Variants in ZBTB38 observed in about 807,000 individuals in gnomAD.
ZBTB38 encodes the protein zinc finger and BTB domain-containing protein 38.
A neutral mutation model predicts 76.8 loss-of-function variants in ZBTB38; 20 were observed. The ratio of observed to expected loss-of-function variants is 0.26; its 90% CI spans 0.18 to 0.38. The LOEUF is 0.38. ZBTB38 is among the 10% of genes least tolerant of loss of function. ZBTB38 has a pLI of 1.00. For missense variants in ZBTB38, 1,082 were observed against 1,482.3 expected (o/e 0.73, Z 4.43); for synonymous variants, 504 against 544.2 (o/e 0.93, Z 1.03).
At chr3:141,401,611 ATT>A (rs10935429) in intron 4 of ZBTB38, among the ~76,000 whole-genome samples, 2 of 146,636 alleles carry the variant, frequency 1.4e-5, no homozygotes, top group African/African-American at 5.0e-5. Flanking sequence ...GTGGCCTTGA[ATT>A]TTTTTTTTTT....
At chr3:141,409,099 G>T (rs548610792) in intron 5 of ZBTB38, among the ~76,000 whole-genome samples, 1 of 152,144 alleles carries the variant, frequency 6.6e-6, no homozygotes, top group African/African-American at 2.4e-5. Flanking sequence ...AGGCTGGAGT[G>T]CAGTGGCGCT....
At chr3:141,378,225 T>C (rs878901721) in intron 2 of ZBTB38, among the ~76,000 whole-genome samples, 3 of 150,214 alleles carry the variant, frequency 2.0e-5, no homozygotes, top group Admixed American at 2.0e-4. Flanking sequence ...AACAGATCAG[T>C]GGTTGTCAGG....
chr3:141,444,874 C>T lies in ZBTB38; in HGVS notation c.2486C>T (p.Thr829Ile). ...IAKPALPGTSTNSNVAPLCQI... is the reference protein window; with the variant it reads ...IAKPALPGTSINSNVAPLCQI... ...AAACCTGCTCTGCCGGGAACCTCCA[C>T]AAATAGTAATGTTGCACCCCTTTGC... Residue 829 changes from threonine to isoleucine, a missense_variant, in exon 6 of 6, where the codon ACA (threonine) becomes ATA (isoleucine). Coordinates refer to ENST00000321464, the MANE Select transcript of ZBTB38 (RefSeq NM_001376113.1). This position sits in a 1 kb window ranked among gnomAD's most constrained non-coding sequence, Gnocchi z 5.1. The T allele has an allele frequency of 1.2e-6, 2 of 1,614,118 alleles. No individual in the cohort carries two copies. Among genetic ancestry groups the T allele is most frequent in the Non-Finnish European group, 1.7e-6 (2 of 1,180,024 alleles).
intron 5 of ZBTB38, among the ~76,000 whole-genome samples, chr3:141,408,648 G>A (rs1955529048): frequency 6.6e-6 from 1 of 152,080 alleles, no homozygotes; most frequent in Admixed American, 6.5e-5. Context: ...GACATGTTTG[G>A]TGTTTAACTT....
chr3:141,448,512 TAAAG>T lies in ZBTB38; in HGVS notation c.*2537_*2540del, dbSNP rs2081265689. ...CATTGAGTACATGACCAACTAGAAT[TAAAG>T]TAAGTGTAAACAGTGAACATACTGT... is the stretch of plus-strand genomic sequence containing the variant. On this transcript the variant is annotated 3_prime_UTR_variant, in exon 6 of 6. Transcript: ENST00000321464. 1 of 152,570 alleles carries T rather than the reference TAAAG, an allele frequency of 6.6e-6. No individual in the cohort carries two copies. Among genetic ancestry groups the T allele is most frequent in the Non-Finnish European group, 1.5e-5 (1 of 68,026 alleles). The allele number at this position is 152,570 out of a possible 1,614,324, so 9.5% of individuals were successfully genotyped here. A position where few individuals can be genotyped will look rare whatever the true frequency, so the allele number is the denominator to read the frequency against.
intron 1 of ZBTB38, among the ~76,000 whole-genome samples, chr3:141,338,158 G>A (rs1943069203): frequency 6.6e-6 from 1 of 152,200 alleles, no homozygotes; most frequent in Non-Finnish European, 1.5e-5. Context: ...TGGTGAGGTT[G>A]CAGAGAAAAG....
chr3:141,336,290 C>A (rs1943014353), intron 1 of ZBTB38, among the ~76,000 whole-genome samples: 1 of 152,066 alleles, frequency 6.6e-6, no homozygotes, highest in African/African-American at 2.4e-5. Context: ...TGGGAGATGT[C>A]AAACCCATGC....
At chr3:141,388,911 A>G (rs536869835) in intron 4 of ZBTB38, 1 of 152,334 alleles carries the variant, frequency 6.6e-6, no homozygotes, top group Admixed American at 6.5e-5. Context: ...ATGCAGGTCA[A>G]GGTTTGTGTA....
intron 5 of ZBTB38, chr3:141,431,851 G>A (rs74975174): frequency 0.011 from 1,647 of 152,996 alleles, 37 homozygotes; most frequent in African/African-American, 0.038. Context: ...TCTTGAATCT[G>A]ATAGCTTAAG....
intron 5 of ZBTB38, chr3:141,431,766 C>T (rs2150540592): frequency 6.6e-6 from 1 of 152,302 alleles, no homozygotes; most frequent in Admixed American, 6.5e-5. Context: ...TGCACTCCAG[C>T]AGCTTCCCGA....
chr3:141,431,341 A>AAAAAT lies in ZBTB38; in HGVS notation c.1-11047_1-11046insAAATA. On this transcript the variant is annotated intron_variant, in intron 5 of 5. Transcript: ENST00000321464. ...TTCGTCTCAAAAAAAAAAAAAAAAA[A>AAAAAT]ATATATATATATATTTGGGGGGGAC... Among the ~76,000 whole-genome samples, 7 of 103,294 alleles carry AAAAAT rather than the reference A, an allele frequency of 6.8e-5. 1 individual carries two copies. The highest frequency in any genetic ancestry group is 4.2e-4 in the African/African-American group (7 of 16,708). 67.8% of individuals were successfully genotyped at this position (103,294 alleles called of 152,430 possible).
chr3:141,350,428 C>A (rs1213799652), intron 1 of ZBTB38, among the ~76,000 whole-genome samples: 1 of 152,124 alleles, frequency 6.6e-6, no homozygotes, highest in Non-Finnish European at 1.5e-5. Context: ...TCTTTGTCAT[C>A]ATTTTATCCC....
At position 141,368,511 on chromosome 3, in the gene ZBTB38, G is replaced by C. The variant is rs1944075359; in HGVS notation, c.-603G>C. 1 of 152,316 alleles carries C rather than the reference G, an allele frequency of 6.6e-6. No homozygotes were observed. The highest frequency in any genetic ancestry group is 2.1e-4 in the South Asian group (1 of 4,822). 9.4% of individuals were successfully genotyped at this position (152,316 alleles called of 1,614,324 possible). The stretch of plus-strand genomic sequence containing the variant: ...CTCTGAAGCCAGGAAACTAGTTGGG[G>C]AGTGGCACTCGCAGCTGCAGCAAAT... On this transcript the variant is annotated 5_prime_UTR_variant, in exon 1 of 6. Coordinates refer to ENST00000321464, the MANE Select transcript of ZBTB38 (RefSeq NM_001376113.1).
chr3:141,437,438 G>A (rs894208748), intron 5 of ZBTB38, among the ~76,000 whole-genome samples: 4 of 152,184 alleles, frequency 2.6e-5, no homozygotes, highest in East Asian at 1.9e-4. Flanking sequence ...TGTTTCATGA[G>A]CACATCTTAG....
chr3:141,352,783 G>A (rs1049248891), intron 1 of ZBTB38, among the ~76,000 whole-genome samples: 2 of 151,818 alleles, frequency 1.3e-5, no homozygotes, highest in Non-Finnish European at 2.9e-5. Context: ...GCTGAGCTGG[G>A]CCACTACATG....
chr3:141,431,197 C>T (rs2077420004), intron 5 of ZBTB38, among the ~76,000 whole-genome samples: 1 of 151,296 alleles, frequency 6.6e-6, no homozygotes, highest in African/African-American at 2.4e-5. Flanking sequence ...GTGGCAGGTG[C>T]CTGTAATCCC....
intron 1 of ZBTB38, among the ~76,000 whole-genome samples, chr3:141,336,542 T>C (rs959817590): frequency 2.6e-5 from 4 of 152,074 alleles, no homozygotes; most frequent in Admixed American, 2.6e-4. Context: ...AGAGATGGAG[T>C]CTCACTGTGT....
rs973300872 is a variant in ZBTB38 at position 141,443,530 on chromosome 3, C to T, written c.1142C>T (p.Thr381Ile). 6.2e-7 allele frequency: 1 copy of T among 1,614,078 alleles called. No individual in the cohort carries two copies. Among genetic ancestry groups the T allele is most frequent in the African/African-American group, 1.3e-5 (1 of 74,920 alleles). Reference protein sequence around the residue: ...LVCKYCNKQFTTLNRLDRHEQ... With the variant: ...LVCKYCNKQFITLNRLDRHEQ... ...TGCAAGTATTGCAACAAACAATTCA[C>T]CACCCTGAACAGGTTGGATCGGCAT... Residue 381 changes from threonine to isoleucine, a missense_variant, in exon 6 of 6, where the codon ACC (threonine) becomes ATC (isoleucine). Thr to Ile is a moderately conservative substitution (Grantham distance 89). This residue lies in a region of ZBTB38 where 324 missense variants were observed against 359.1 expected (regional missense o/e 0.90). Coordinates refer to ENST00000321464, the MANE Select transcript of ZBTB38 (RefSeq NM_001376113.1). This position sits in a 1 kb window ranked among gnomAD's most constrained non-coding sequence, Gnocchi z 5.6.
chr3:141,361,631 A>G (rs1034177902), intron 1 of ZBTB38, among the ~76,000 whole-genome samples: 2 of 152,222 alleles, frequency 1.3e-5, no homozygotes, highest in Non-Finnish European at 2.9e-5. Context: ...CAAGGTGTGA[A>G]TGTGTAGATA....
Sources: allele counts gnomAD v4.1 joint callset (sites outside exome capture counted in the v4.1 genomes callset), GRCh38; gene constraint gnomAD v4.1.1; regional missense constraint gnomAD v4.1.1; non-coding constraint Gnocchi (gnomAD v3.1); transcripts MANE v1.5; gene names NCBI Gene and HGNC (gene_info 2026-07-23, HGNC 2026-07-21).